The following MYRIP variants were observed in gnomAD, a reference collection of about 807,000 sequenced individuals.
The protein encoded by MYRIP is myosin VIIA and Rab interacting protein.
In MYRIP, 49 loss-of-function variants were observed where a neutral mutation model predicts 98.0. That is an observed-to-expected ratio of 0.50 (90% CI 0.40 to 0.63). MYRIP has a LOEUF of 0.63. MYRIP is among the 30% of genes least tolerant of loss of function. The pLI is 0.00. For synonymous variants in MYRIP, 404 were observed against 409.5 expected, an observed-to-expected ratio of 0.99 and a Z score of 0.16; for missense variants, 1,004 against 1,058.2, an observed-to-expected ratio of 0.95 and a Z score of 0.71.
chr3:39,913,545 T>C (rs1423737998), intron 2 of MYRIP, among the ~76,000 whole-genome samples: 4 of 152,196 alleles, frequency 2.6e-5, no homozygotes, highest in Non-Finnish European at 4.4e-5. Flanking sequence ...ACTCAGCTTT[T>C]ATATACTCTT....
intron 1 of MYRIP, among the ~76,000 whole-genome samples, chr3:39,895,712 T>A (rs1943590713): frequency 6.6e-6 from 1 of 152,174 alleles, no homozygotes; most frequent in African/African-American, 2.4e-5. Flanking sequence ...TACTTCTACC[T>A]TAGTAAAATG....
At chr3:39,819,356 A>T (rs918105539) in intron 1 of MYRIP, among the ~76,000 whole-genome samples, 2 of 152,176 alleles carry the variant, frequency 1.3e-5, no homozygotes, top group Non-Finnish European at 2.9e-5. Context: ...CTTAAAAAAA[A>T]AAAATTACCT....
chr3:40,193,600 AGGAGTATAT>A (rs1488751825), intron 10 of MYRIP, among the ~76,000 whole-genome samples: 2 of 152,212 alleles, frequency 1.3e-5, no homozygotes, highest in Non-Finnish European at 2.9e-5. Context: ...TGCTGACTGG[AGGAGTATAT>A]GGGTCTTTAA....
chr3:39,953,522 G>A (rs1945079084), intron 2 of MYRIP, among the ~76,000 whole-genome samples: 1 of 152,092 alleles, frequency 6.6e-6, no homozygotes, highest in Non-Finnish European at 1.5e-5. Context: ...ATCTGTAACA[G>A]GTTTATCAGC....
chr3:39,861,554 T>C (rs1942469813), intron 1 of MYRIP, among the ~76,000 whole-genome samples: 1 of 152,026 alleles, frequency 6.6e-6, no homozygotes, highest in African/African-American at 2.4e-5. Context: ...ATATCAAGAT[T>C]CAGGAGAAAG....
At chr3:39,938,180 C>T (rs1469248840) in intron 2 of MYRIP, among the ~76,000 whole-genome samples, 3 of 152,090 alleles carry the variant, frequency 2.0e-5, no homozygotes, top group Non-Finnish European at 4.4e-5. Context: ...TAATGCCAGC[C>T]TTGAATTCTA....
chr3:39,871,927 A>G (rs1244340449), intron 1 of MYRIP, among the ~76,000 whole-genome samples: 1 of 152,064 alleles, frequency 6.6e-6, no homozygotes, highest in Non-Finnish European at 1.5e-5. Context: ...ATATATAGAA[A>G]AAACTGAACC....
intron 2 of MYRIP, among the ~76,000 whole-genome samples, chr3:40,013,296 T>C (rs1197475666): frequency 6.6e-6 from 1 of 152,168 alleles, no homozygotes; most frequent in Non-Finnish European, 1.5e-5. Context: ...CTTGCTTCTG[T>C]GATGTGCAGG....
intron 1 of MYRIP, among the ~76,000 whole-genome samples, chr3:39,868,894 T>A (rs1942702088): frequency 6.6e-6 from 1 of 152,242 alleles, no homozygotes; most frequent in African/African-American, 2.4e-5. Context: ...CCTCCACAAT[T>A]TCTCGTAAGA....
chr3:40,053,259 A>G (rs1339295823), intron 3 of MYRIP, among the ~76,000 whole-genome samples: 4 of 152,108 alleles, frequency 2.6e-5, no homozygotes, highest in Non-Finnish European at 5.9e-5. Context: ...TGAAGGGGAC[A>G]TGTATTTTGA....
At chr3:39,938,744 A>T (rs1048827276) in intron 2 of MYRIP, among the ~76,000 whole-genome samples, 1 of 152,048 alleles carries the variant, frequency 6.6e-6, no homozygotes, top group African/African-American at 2.4e-5. Flanking sequence ...GCCTCAAGAG[A>T]TCCTCCTGCC....
At chr3:40,210,959 C>T (rs148734829) in intron 11 of MYRIP, among the ~76,000 whole-genome samples, 1 of 152,258 alleles carries the variant, frequency 6.6e-6, no homozygotes, top group African/African-American at 2.4e-5. Flanking sequence ...TGGAAGGGAA[C>T]ACACTAACAT....
chr3:40,147,535 T>A (rs1001707050), intron 3 of MYRIP, among the ~76,000 whole-genome samples: 2 of 152,212 alleles, frequency 1.3e-5, no homozygotes, highest in African/African-American at 4.8e-5. Flanking sequence ...ACCAAAGTCA[T>A]GACTTGAAAT....
rs1353632155 is a variant in MYRIP, at chr3:39,928,364, C to CA, written c.110+27448dup. On this transcript the variant is annotated intron_variant, in intron 2 of 16. Transcript: ENST00000302541. ...TGATGCCAAAGAAACAAAGACAGTACAAAAAAAAAAGATAAAGGGAGAAAA... is the reference window on the plus strand; with the variant it reads ...TGATGCCAAAGAAACAAAGACAGTACAAAAAAAAAAAGATAAAGGGAGAAAA... Among the ~76,000 whole-genome samples, 70 of 143,036 alleles carry CA rather than the reference C, an allele frequency of 4.9e-4. 1 individual carries two copies. Among genetic ancestry groups the CA allele is most frequent in the South Asian group, 4.0e-3 (18 of 4,530 alleles). 93.8% of individuals were successfully genotyped at this position (143,036 alleles called of 152,430 possible).
intron 2 of MYRIP, among the ~76,000 whole-genome samples, chr3:39,930,905 T>C (rs1394963036): frequency 6.6e-6 from 1 of 152,120 alleles, no homozygotes; most frequent in East Asian, 1.9e-4. Context: ...AGTACAAGAA[T>C]GTTTTGGTTA....
chr3:39,954,788 CA>C (rs1335118358), intron 2 of MYRIP, among the ~76,000 whole-genome samples: 5 of 152,026 alleles, frequency 3.3e-5, no homozygotes, highest in African/African-American at 1.2e-4. Context: ...AAAGATTAGA[CA>C]AATGGCTAAC....
chr3:39,998,689 T>G (rs1029212414), intron 2 of MYRIP, among the ~76,000 whole-genome samples: 1 of 152,108 alleles, frequency 6.6e-6, no homozygotes, highest in East Asian at 1.9e-4. Flanking sequence ...TTAAAGTTCA[T>G]ATGGAACCAA....
At position 40,112,145 on chromosome 3, in the gene MYRIP, CT is replaced by C. The variant is rs1414792179; in HGVS notation, c.333-38902del. Among the ~76,000 whole-genome samples the C allele has an allele frequency of 6.6e-4, 101 of 151,914 alleles. No homozygotes were observed. The Middle Eastern group carries it at 0.01, about 15-fold the overall frequency. On this transcript the variant is annotated intron_variant, in intron 3 of 16. Transcript: ENST00000302541. ...TTCCCTGCATTGCTTCTGTGCACCC[CT>C]GGGTTCTTAATACAGGAGGGACTTT...
intron 1 of MYRIP, among the ~76,000 whole-genome samples, chr3:39,812,657 T>C (rs1349027935): frequency 1.3e-5 from 2 of 152,262 alleles, no homozygotes; most frequent in African/African-American, 4.8e-5. Context: ...GTATTTTGAA[T>C]TCCTCAAAGA....
Sources: gnomAD v4.1 joint callset for allele counts (sites outside exome capture counted in the v4.1 genomes callset) on GRCh38, gnomAD v4.1.1 for gene constraint, MANE v1.5 for transcripts, NCBI Gene and HGNC (gene_info 2026-07-23, HGNC 2026-07-21) for gene names.